MACROD2: variants seen among roughly 807,000 people sequenced by gnomAD.
MACROD2 encodes ADP-ribose glycohydrolase MACROD2.
In MACROD2, 36 loss-of-function variants were observed where a neutral mutation model predicts 70.4. The ratio of observed to expected loss-of-function variants is 0.51; its 90% CI spans 0.39 to 0.68. The LOEUF is 0.68. Among genes scored for constraint, MACROD2 ranks in the 30% least tolerant of loss-of-function variants. The pLI is 0.00. For synonymous variants in MACROD2, 172 were observed against 178.8 expected (o/e 0.96, Z 0.30); for missense variants, 496 against 538.4 (o/e 0.92, Z 0.78).
intron 5 of MACROD2, among the ~76,000 whole-genome samples, chr20:14,943,350 G>A (rs116578772): frequency 0.025 from 3,833 of 151,974 alleles, 170 homozygotes; most frequent in African/African-American, 0.087. Context: ...AAGTTTTATA[G>A]TACAGATTTT....
chr20:15,707,995 G>A (rs2050561996), intron 8 of MACROD2, among the ~76,000 whole-genome samples: 1 of 151,512 alleles, frequency 6.6e-6, no homozygotes, highest in Admixed American at 6.6e-5. Flanking sequence ...GTGTCACCAA[G>A]TTCTGAGGGA....
At chr20:14,004,708 A>G (rs896824238) in intron 2 of MACROD2, among the ~76,000 whole-genome samples, 16 of 152,284 alleles carry the variant, frequency 1.1e-4, no homozygotes, top group African/African-American at 2.9e-4. Context: ...GGAAAACTAT[A>G]CATATGGTTA....
chr20:15,260,739 T>G (rs1228745267), intron 6 of MACROD2, among the ~76,000 whole-genome samples: 1 of 151,968 alleles, frequency 6.6e-6, no homozygotes, highest in Non-Finnish European at 1.5e-5. Flanking sequence ...CAACATTGTA[T>G]GAAGGCTCCT....
chr20:15,783,040 T>C (rs1253912881), intron 8 of MACROD2, among the ~76,000 whole-genome samples: 2 of 152,172 alleles, frequency 1.3e-5, no homozygotes, highest in Non-Finnish European at 2.9e-5. Flanking sequence ...TTACATTCTT[T>C]CTTTTTTAAA....
chr20:14,955,244 T>C (rs932510860), intron 5 of MACROD2, among the ~76,000 whole-genome samples: 6 of 138,478 alleles, frequency 4.3e-5, no homozygotes, highest in African/African-American at 1.6e-4. Flanking sequence ...TTTTATTATA[T>C]ATAATTTATA....
At chr20:14,294,479 G>A (rs944935553) in intron 3 of MACROD2, among the ~76,000 whole-genome samples, 5 of 151,622 alleles carry the variant, frequency 3.3e-5, no homozygotes, top group Non-Finnish European at 7.4e-5. Flanking sequence ...TTCACAGAGA[G>A]CAGCATATAA....
At chr20:14,892,081 A>G (rs2073768363) in intron 5 of MACROD2, among the ~76,000 whole-genome samples, 1 of 152,172 alleles carries the variant, frequency 6.6e-6, no homozygotes, top group South Asian at 2.1e-4. Flanking sequence ...GAAGGTTTCG[A>G]TAGTTGTCCT....
chr20:15,932,943 T>A (rs1225260952), intron 10 of MACROD2, among the ~76,000 whole-genome samples: 1 of 152,196 alleles, frequency 6.6e-6, no homozygotes, highest in African/African-American at 2.4e-5. Flanking sequence ...GTTACTTAAG[T>A]CAAGGGAGAA....
intron 8 of MACROD2, among the ~76,000 whole-genome samples, chr20:15,743,760 C>G (rs1470664832): frequency 6.6e-6 from 1 of 152,168 alleles, no homozygotes; most frequent in Non-Finnish European, 1.5e-5. Context: ...AAAGTTCTCT[C>G]GTTTAGCACA....
intron 8 of MACROD2, among the ~76,000 whole-genome samples, chr20:15,592,042 G>A (rs2048687459): frequency 6.6e-6 from 1 of 152,106 alleles, no homozygotes; most frequent in Non-Finnish European, 1.5e-5. Flanking sequence ...CACCATCTCG[G>A]TCAAGTGTAA....
chr20:15,249,467 T>C (rs2077135181), intron 6 of MACROD2, among the ~76,000 whole-genome samples: 1 of 152,216 alleles, frequency 6.6e-6, no homozygotes, highest in African/African-American at 2.4e-5. Flanking sequence ...CATACACTCC[T>C]TCCCTCTGAT....
At chr20:15,570,522 G>A (rs750876802) in intron 8 of MACROD2, among the ~76,000 whole-genome samples, 1 of 152,136 alleles carries the variant, frequency 6.6e-6, no homozygotes, top group Non-Finnish European at 1.5e-5. Context: ...AAAAGAAATT[G>A]ATTGGCTCTA....
intron 5 of MACROD2, among the ~76,000 whole-genome samples, chr20:15,182,475 T>C (rs867885112): frequency 6.6e-6 from 1 of 152,186 alleles, no homozygotes; most frequent in South Asian, 2.1e-4. Flanking sequence ...CCTAGTTGAT[T>C]TTCCTGGGGC....
intron 8 of MACROD2, among the ~76,000 whole-genome samples, chr20:15,610,989 A>ATTTT (rs1600665066): frequency 3.8e-5 from 3 of 79,876 alleles, no homozygotes; most frequent in Admixed American, 1.2e-4. Context: ...TTAGCCAAAA[A>ATTTT]TCTTTTTTTT....
intron 9 of MACROD2, among the ~76,000 whole-genome samples, chr20:15,869,959 G>A (rs1309283196): frequency 6.6e-6 from 1 of 152,022 alleles, no homozygotes; most frequent in African/African-American, 2.4e-5. Flanking sequence ...CTGAGAAAGT[G>A]TAGCTTTGCA....
chr20:14,223,790 G>A (rs1001449977), intron 3 of MACROD2, among the ~76,000 whole-genome samples: 1 of 152,068 alleles, frequency 6.6e-6, no homozygotes, highest in Non-Finnish European at 1.5e-5. Flanking sequence ...GAGCCACCGC[G>A]CCTGGCCTCT....
intron 8 of MACROD2, among the ~76,000 whole-genome samples, chr20:15,649,562 A>G (rs1237641283): frequency 6.6e-6 from 1 of 152,148 alleles, no homozygotes; most frequent in Non-Finnish European, 1.5e-5. Flanking sequence ...ATCCCATTGA[A>G]AGTCCTAAGC....
intron 7 of MACROD2, among the ~76,000 whole-genome samples, chr20:15,486,125 C>A (rs1413946140): frequency 1.3e-5 from 2 of 151,916 alleles, no homozygotes; most frequent in Non-Finnish European, 2.9e-5. Context: ...TTGTTGAAAT[C>A]TGTTCATCTA....
intron 13 of MACROD2, among the ~76,000 whole-genome samples, chr20:15,980,211 G>T (rs1047313568): frequency 6.6e-6 from 1 of 152,190 alleles, no homozygotes; most frequent in Non-Finnish European, 1.5e-5. Context: ...CTGGGTTTAG[G>T]CCAGGCAGGC....
Sources: allele counts gnomAD v4.1 joint callset (sites outside exome capture counted in the v4.1 genomes callset), GRCh38; gene constraint gnomAD v4.1.1; transcripts MANE v1.5; gene names NCBI Gene and HGNC (gene_info 2026-07-23, HGNC 2026-07-21).